ST3GAL6: variants seen among roughly 807,000 people sequenced by gnomAD.
ST3GAL6 encodes the protein type 2 lactosamine alpha-2,3-sialyltransferase.
In ST3GAL6, 31 loss-of-function variants were observed where a neutral mutation model predicts 40.5. The observed-to-expected ratio is 0.77, with a 90% confidence interval of 0.58 to 1.03. The LOEUF (loss-of-function observed/expected upper bound fraction) is 1.03, where lower values mean the gene tolerates loss of function less well. ST3GAL6 is among the 50% of genes least tolerant of loss of function. The pLI, the probability that ST3GAL6 is intolerant of heterozygous loss-of-function variation, is 0.00. For missense variants in ST3GAL6, 357 were observed against 393.2 expected, an observed-to-expected ratio of 0.91 and a Z score of 0.78; for synonymous variants, 129 against 136.9, an observed-to-expected ratio of 0.94 and a Z score of 0.40.
At chr3:98,752,799 A>G (rs1475727906) in intron 1 of ST3GAL6, among the ~76,000 whole-genome samples, 1 of 152,206 alleles carries the variant, frequency 6.6e-6, no homozygotes, top group Non-Finnish European at 1.5e-5. Flanking sequence ...TTACTATTGT[A>G]ATTGTTTTGG....
chr3:98,733,253 G>T, intron 1 of ST3GAL6: 1 of 982,044 alleles, frequency 1.0e-6, no homozygotes, highest in African/African-American at 1.7e-5. Flanking sequence ...AGCCACCGCC[G>T]AGAGGGCACC....
At chr3:98,757,298 A>G (rs1024695776) in intron 1 of ST3GAL6, among the ~76,000 whole-genome samples, 2 of 152,124 alleles carry the variant, frequency 1.3e-5, no homozygotes, top group Admixed American at 6.6e-5. Context: ...CAATATGGAC[A>G]CTCATAATGG....
rs137980475 is a variant in ST3GAL6, at chr3:98,736,449, G to A, written c.-12+3917G>A. 2.0e-3 allele frequency among the ~76,000 whole-genome samples: 312 copies of A among 152,276 alleles called. 1 individual carries two copies. Among genetic ancestry groups the A allele is most frequent in the Non-Finnish European group, 2.8e-3 (190 of 68,022 alleles). ...GAACAAGGCCCCCAGAAGAGGAGACGGCAAGGAAGCTGGAGATTCCTCCAG... is the reference window on the plus strand; with the variant it reads ...GAACAAGGCCCCCAGAAGAGGAGACAGCAAGGAAGCTGGAGATTCCTCCAG... On this transcript the variant is annotated intron_variant, in intron 1 of 9. Transcript: ENST00000265261.
At chr3:98,762,952 T>C, upstream of ST3GAL6, 1 of 985,318 alleles carries the variant, frequency 1.0e-6, no homozygotes, top group Non-Finnish European at 1.2e-6. Context: ...CTGCCAGAGG[T>C]TGTAGATCCT....
At chr3:98,770,833 G>C in intron 2 of ST3GAL6, 46 bp from the exon 3 acceptor site, 1 of 1,561,318 alleles carries the variant, frequency 6.4e-7, no homozygotes, top group East Asian at 2.2e-5. Flanking sequence ...CCTTTGGGCA[G>C]GGTGCCCGAT....
chr3:98,757,993 C>T (rs773470975), intron 1 of ST3GAL6, among the ~76,000 whole-genome samples: 8 of 152,058 alleles, frequency 5.3e-5, no homozygotes, highest in East Asian at 1.9e-4. Context: ...TGCACCACCA[C>T]GTCTAGCTAA....
chr3:98,793,344 T>G (rs2278599), intron 9 of ST3GAL6, among the ~76,000 whole-genome samples: 26,512 of 152,148 alleles, frequency 0.17, 2,472 homozygotes, highest in African/African-American at 0.25. Context: ...TTAAACTGAT[T>G]TCTAGGGGCT....
chr3:98,761,896 A>G (rs980967858), upstream of ST3GAL6, among the ~76,000 whole-genome samples: 5 of 152,224 alleles, frequency 3.3e-5, no homozygotes, highest in African/African-American at 1.2e-4. Flanking sequence ...AGTTGCTATT[A>G]GCTGAATGAT....
intron 1 of ST3GAL6, chr3:98,756,316 C>G (rs1937414488): frequency 7.9e-7 from 1 of 1,270,876 alleles, no homozygotes; most frequent in African/African-American, 1.5e-5. Context: ...TTACATTTTT[C>G]TGGGGCAGCT....
At chr3:98,773,150 A>G (rs1003278008) in intron 4 of ST3GAL6, 5 of 269,240 alleles carry the variant, frequency 1.9e-5, no homozygotes, top group Non-Finnish European at 3.5e-5. Flanking sequence ...TTGAGAAACT[A>G]CTTTTTACAT....
intron 3 of ST3GAL6, 195 bp downstream of exon 3, chr3:98,771,151 C>T (rs1402862167): frequency 6.7e-7 from 1 of 1,492,720 alleles, no homozygotes; most frequent in Admixed American, 2.0e-5. Flanking sequence ...TAAGAAAAGG[C>T]ATTGAGGAAC....
chr3:98,786,129 C>T (rs571222393), intron 6 of ST3GAL6, among the ~76,000 whole-genome samples: 19 of 151,974 alleles, frequency 1.3e-4, no homozygotes, highest in East Asian at 3.9e-4. Flanking sequence ...GTGGGTTTGT[C>T]GAGTAGGCAG....
chr3:98,771,127 C>G, intron 3 of ST3GAL6, 171 bp downstream of exon 3: 1 of 1,512,736 alleles, frequency 6.6e-7, no homozygotes, highest in Non-Finnish European at 8.8e-7. Context: ...TTAGTCAGAG[C>G]TCTGCATATA....
At chr3:98,746,053 G>C (rs1390198106) in intron 1 of ST3GAL6, among the ~76,000 whole-genome samples, 1 of 152,138 alleles carries the variant, frequency 6.6e-6, no homozygotes, top group African/African-American at 2.4e-5. Flanking sequence ...GGATGAGATA[G>C]GTTGGTTGGA....
intron 5 of ST3GAL6, among the ~76,000 whole-genome samples, chr3:98,779,879 G>T (rs1333146992): frequency 6.6e-6 from 1 of 152,184 alleles, no homozygotes; most frequent in East Asian, 1.9e-4. Context: ...CAACCAAACT[G>T]AATTCTAAAA....
intron 5 of ST3GAL6, among the ~76,000 whole-genome samples, chr3:98,780,241 T>C (rs188116626): frequency 1.3e-5 from 2 of 152,308 alleles, no homozygotes; most frequent in East Asian, 3.9e-4. Context: ...AGAGCCATGG[T>C]GGTACTATGA....
At chr3:98,749,870 A>G (rs1035992547) in intron 1 of ST3GAL6, among the ~76,000 whole-genome samples, 3 of 152,256 alleles carry the variant, frequency 2.0e-5, no homozygotes, top group Non-Finnish European at 4.4e-5. Context: ...CTATTGGATC[A>G]GTTGAGGAGC....
At chr3:98,763,905 C>T (rs1437955893) in intron 1 of ST3GAL6, among the ~76,000 whole-genome samples, 2 of 152,108 alleles carry the variant, frequency 1.3e-5, no homozygotes, top group Non-Finnish European at 2.9e-5. Flanking sequence ...GGAACCTGAC[C>T]CAACTGTTAA....
intron 1 of ST3GAL6, among the ~76,000 whole-genome samples, chr3:98,756,113 A>G (rs1219691368): frequency 6.6e-6 from 1 of 152,130 alleles, no homozygotes; most frequent in Non-Finnish European, 1.5e-5. Flanking sequence ...TGGGTATGTT[A>G]TTATTTTTAA....
Sources: allele counts gnomAD v4.1 joint callset (sites outside exome capture counted in the v4.1 genomes callset), GRCh38; gene constraint gnomAD v4.1.1; transcripts MANE v1.5; gene names NCBI Gene and HGNC (gene_info 2026-07-23, HGNC 2026-07-21).